The following TENM4 variants were observed in gnomAD, a reference collection of about 807,000 sequenced individuals.
TENM4 encodes teneurin-4.
In TENM4, 82 loss-of-function variants were observed where a neutral mutation model predicts 243.3. That is an observed-to-expected ratio of 0.34 (90% CI 0.28 to 0.40). TENM4 has a LOEUF of 0.40. Among genes scored for constraint, TENM4 ranks in the 10% least tolerant of loss-of-function variants. The probability of loss-of-function intolerance (pLI) is 1.00; values close to 1 mark genes in which losing one functional copy is unlikely to be tolerated. For synonymous variants in TENM4, 1,412 were observed against 1,456.3 expected (o/e 0.97, Z 0.69); for missense variants, 3,138 against 3,673.3 (o/e 0.85, Z 3.77).
chr11:79,016,900 A>G lies in TENM4; in HGVS notation c.493+47838T>C, dbSNP rs118045514. Among the ~76,000 whole-genome samples, 12 of 152,306 alleles carry G rather than the reference A, an allele frequency of 7.9e-5. No homozygotes were observed. The East Asian group carries it at 2.3e-3, about 29-fold the overall frequency. The stretch of plus-strand genomic sequence containing the variant: ...CTTGGTTTGAATCCTTTCAACACTT[A>G]CTTGCTGGGTGACTTTTTGTATGTT... On this transcript the variant is annotated intron_variant, in intron 6 of 33. Coordinates refer to ENST00000278550, the MANE Select transcript of TENM4 (RefSeq NM_001098816.3).
intron 1 of TENM4, among the ~76,000 whole-genome samples, chr11:79,363,493 T>C (rs957525427): frequency 6.6e-5 from 10 of 152,218 alleles, no homozygotes. Context: ...CTGTGTGGTA[T>C]CGGTGCAGTC....
intron 2 of TENM4, among the ~76,000 whole-genome samples, chr11:79,258,174 G>C (rs930421992): frequency 6.6e-6 from 1 of 152,124 alleles, no homozygotes; most frequent in African/African-American, 2.4e-5. Flanking sequence ...AGATAAATAG[G>C]CCTCTCTATT....
chr11:78,963,293 T>G (rs1351172668), intron 6 of TENM4, among the ~76,000 whole-genome samples: 1 of 152,192 alleles, frequency 6.6e-6, no homozygotes, highest in Non-Finnish European at 1.5e-5. Context: ...TCCCAACTCT[T>G]CAGAAGGAGG....
At chr11:79,045,475 C>G (rs1394075336) in intron 6 of TENM4, among the ~76,000 whole-genome samples, 1 of 152,148 alleles carries the variant, frequency 6.6e-6, no homozygotes, top group Non-Finnish European at 1.5e-5. Flanking sequence ...CAGCCCTTTC[C>G]TCTCCTACCT....
chr11:79,119,135 G>A (rs1186937106), intron 4 of TENM4, among the ~76,000 whole-genome samples: 2 of 152,156 alleles, frequency 1.3e-5, no homozygotes, highest in Non-Finnish European at 2.9e-5. Context: ...CTAAATAGCA[G>A]TTCCCAAAGC....
chr11:79,277,972 C>A (rs189165981), intron 2 of TENM4, among the ~76,000 whole-genome samples: 2 of 152,294 alleles, frequency 1.3e-5, no homozygotes, highest in Admixed American at 1.3e-4. Flanking sequence ...AACTCACTGT[C>A]TTGCAACTCC....
intron 19 of TENM4, among the ~76,000 whole-genome samples, chr11:78,745,254 T>A (rs550502531): frequency 6.9e-6 from 1 of 145,702 alleles, no homozygotes; most frequent in East Asian, 2.0e-4. Flanking sequence ...TGAGACAAAG[T>A]CTGACTCTGT....
intron 6 of TENM4, among the ~76,000 whole-genome samples, chr11:78,940,741 G>C (rs555675977): frequency 1.3e-5 from 2 of 152,286 alleles, no homozygotes; most frequent in South Asian, 4.2e-4. Flanking sequence ...GCTTGGGCAG[G>C]TCACCCTGGG....
At chr11:79,214,181 G>A (rs996354965) in intron 3 of TENM4, among the ~76,000 whole-genome samples, 7 of 152,052 alleles carry the variant, frequency 4.6e-5, no homozygotes, top group African/African-American at 7.2e-5. Context: ...TTTTAGTAGA[G>A]ATGGGGTTTT....
chr11:78,864,724 G>A (rs61881988), intron 9 of TENM4, among the ~76,000 whole-genome samples: 5,630 of 152,214 alleles, frequency 0.037, 144 homozygotes, highest in Non-Finnish European at 0.064. Flanking sequence ...GGAAGTAAGC[G>A]CTCAAGTCCC....
Position 78,731,421 on chromosome 11 carries a change from G to A in TENM4, c.3138+895C>T, listed in dbSNP as rs551748502. Among the ~76,000 whole-genome samples the A allele has an allele frequency of 3.9e-5, 6 of 152,310 alleles. No homozygotes were observed. The South Asian group carries it at 6.2e-4, about 16-fold the overall frequency. On this transcript the variant is annotated intron_variant, in intron 21 of 33. Transcript: ENST00000278550. The stretch of plus-strand genomic sequence containing the variant: ...GGAAGCCACTCAACAGGGTACGCAC[G>A]GAAAGGTGTTTGCTCAGCCAGGCAT...
At chr11:79,410,081 G>C (rs1211519610) in intron 1 of TENM4, among the ~76,000 whole-genome samples, 1 of 152,148 alleles carries the variant, frequency 6.6e-6, no homozygotes, top group Non-Finnish European at 1.5e-5. Flanking sequence ...TTTTTAAAAA[G>C]TTTACGAATT....
intron 10 of TENM4, 140 bp downstream of exon 10, chr11:78,862,822 G>A: frequency 1.1e-6 from 1 of 884,364 alleles, no homozygotes; most frequent in Non-Finnish European, 1.5e-6. Context: ...TTGACAGCTG[G>A]CGTGGAGTGT....
chr11:78,921,709 C>T (rs899461182), intron 6 of TENM4, among the ~76,000 whole-genome samples: 3 of 152,160 alleles, frequency 2.0e-5, no homozygotes, highest in African/African-American at 4.8e-5. Flanking sequence ...GTCTTATTGA[C>T]AGCTCAAGGC....
chr11:79,436,490 C>A (rs1394798851), intron 1 of TENM4, among the ~76,000 whole-genome samples: 2 of 152,186 alleles, frequency 1.3e-5, no homozygotes, highest in Admixed American at 1.3e-4. Flanking sequence ...AAAGTCACAT[C>A]CTATCACCTT....
chr11:79,353,123 C>T (rs1490723111), intron 1 of TENM4, among the ~76,000 whole-genome samples: 5 of 152,084 alleles, frequency 3.3e-5, no homozygotes, highest in African/African-American at 9.7e-5. Flanking sequence ...ATACTTTTAC[C>T]TTATGGGGCA....
chr11:78,763,347 G>A (rs1183906647), intron 18 of TENM4, among the ~76,000 whole-genome samples: 1 of 152,184 alleles, frequency 6.6e-6, no homozygotes, highest in Non-Finnish European at 1.5e-5. Context: ...CTGCACTCGA[G>A]TGGCCCCTGA....
chr11:79,440,087 GCTC>G lies in TENM4; in HGVS notation c.-321+419_-321+421del, dbSNP rs1402664632. ...GCTGAAGCCCGGCGCCGCCTCGCGG[GCTC>G]CTCCAGCGCCCGACGGGGGCCTGGG... On this transcript the variant is annotated intron_variant, in intron 1 of 33. Transcript: ENST00000278550. This position sits in a 1 kb window ranked among gnomAD's most constrained non-coding sequence, Gnocchi z 4.7. Among the ~76,000 whole-genome samples the G allele has an allele frequency of 6.6e-6, 1 of 152,096 alleles. No homozygotes were observed. Among genetic ancestry groups the G allele is most frequent in the Non-Finnish European group, 1.5e-5 (1 of 67,982 alleles).
At chr11:79,134,742 A>G (rs541337157) in intron 4 of TENM4, among the ~76,000 whole-genome samples, 21 of 152,232 alleles carry the variant, frequency 1.4e-4, no homozygotes, top group African/African-American at 4.6e-4. Context: ...TATAAAGTGG[A>G]GAAAGGACAA....
Sources: gnomAD v4.1 joint callset for allele counts (sites outside exome capture counted in the v4.1 genomes callset) on GRCh38, gnomAD v4.1.1 for gene constraint, Gnocchi (gnomAD v3.1) non-coding constraint, MANE v1.5 for transcripts, NCBI Gene and HGNC (gene_info 2026-07-23, HGNC 2026-07-21) for gene names.